Variants in SLX9 observed in about 807,000 individuals in gnomAD.
SLX9 encodes SLX9 ribosome biogenesis factor.
A neutral mutation model predicts 20.8 loss-of-function variants in SLX9; 19 were observed. The observed-to-expected ratio is 0.91, with a 90% CI of 0.64 to 1.34. SLX9 has a LOEUF of 1.34. Among genes scored for constraint, SLX9 ranks in the 40% most tolerant of loss-of-function variants. The pLI, the probability that SLX9 is intolerant of heterozygous loss-of-function variation, is 0.00. For synonymous variants in SLX9, 113 were observed against 137.1 expected (o/e 0.82, Z 1.23); for missense variants, 299 against 322.2 (o/e 0.93, Z 0.55).
In SLX9 at chr21:44,960,320, T is replaced by C; in HGVS notation, c.352+152T>C. The C allele has an allele frequency of 1.5e-5, 11 of 742,786 alleles. No individual in the cohort carries two copies. In the South Asian group the frequency reaches 1.8e-4, roughly 12 times the overall value. 46.0% of individuals were successfully genotyped at this position (742,786 alleles called of 1,614,324 possible). On this transcript the variant is annotated intron_variant, in intron 3 of 5. Transcript: ENST00000291634. ...TCACCCAAGACACTTCAGAGGCTGC[T>C]GTGGGGGCCGAAGGACAGTGGAGGC...
chr21:44,945,574 G>T (rs2026883), intron 2 of SLX9, among the ~76,000 whole-genome samples: 1 of 152,192 alleles, frequency 6.6e-6, no homozygotes, highest in Non-Finnish European at 1.5e-5. Context: ...TCACGCTCAC[G>T]ACCCGTCTTG....
In SLX9 at chr21:44,972,197, C is replaced by T. The variant is rs140260333; in HGVS notation, c.501-1000C>T. Among the ~76,000 whole-genome samples, 265 of 152,306 alleles carry T rather than the reference C, an allele frequency of 1.7e-3. 1 individual carries two copies. The highest frequency in any genetic ancestry group is 2.9e-3 in the Non-Finnish European group (197 of 68,020). On this transcript the variant is annotated intron_variant, in intron 4 of 5. Coordinates refer to ENST00000291634, the MANE Select transcript of SLX9 (RefSeq NM_058190.4). The stretch of plus-strand genomic sequence containing the variant: ...TCTGGGTCCCATCTCACTGTGTGGA[C>T]GGCAGATCTGAGAAGGCGCCTGGTG...
chr21:44,970,596 G>T (rs1009572849), intron 4 of SLX9, among the ~76,000 whole-genome samples: 2 of 152,212 alleles, frequency 1.3e-5, no homozygotes, highest in African/African-American at 4.8e-5. Flanking sequence ...GCGGCGGGCC[G>T]TGTCTCTGGG....
intron 1 of SLX9, among the ~76,000 whole-genome samples, chr21:44,943,025 G>A (rs904934241): frequency 2.0e-5 from 3 of 152,310 alleles, no homozygotes; most frequent in Non-Finnish European, 1.5e-5. Flanking sequence ...TTGGGGTGGC[G>A]TATTCTGACC....
At chr21:44,966,406 C>T (rs1318147079) in intron 3 of SLX9, among the ~76,000 whole-genome samples, 1 of 152,212 alleles carries the variant, frequency 6.6e-6, no homozygotes, top group East Asian at 1.9e-4. Context: ...CCAGGAGCCA[C>T]GTGCAGTGAG....
chr21:44,952,844 G>C (rs2084783747), intron 2 of SLX9, among the ~76,000 whole-genome samples: 2 of 152,248 alleles, frequency 1.3e-5, no homozygotes, highest in African/African-American at 4.8e-5. Context: ...ATGTTCGGTT[G>C]GTGGGGCCTG....
chr21:44,953,249 G>A (rs28493513), intron 2 of SLX9, among the ~76,000 whole-genome samples: 2,686 of 152,340 alleles, frequency 0.018, 87 homozygotes, highest in African/African-American at 0.062. Flanking sequence ...GGCCTGTCAT[G>A]TTCAGGGGCC....
intron 3 of SLX9, among the ~76,000 whole-genome samples, chr21:44,965,710 C>T (rs1265692903): frequency 6.6e-6 from 1 of 152,136 alleles, no homozygotes; most frequent in Non-Finnish European, 1.5e-5. Context: ...CACAAGGTAT[C>T]CTTCTTTTGA....
intron 2 of SLX9, among the ~76,000 whole-genome samples, chr21:44,959,643 AG>A (rs1245666943): frequency 6.6e-6 from 1 of 152,182 alleles, no homozygotes; most frequent in Non-Finnish European, 1.5e-5. Flanking sequence ...CGGGCCTGGC[AG>A]GGGGCAGGGA....
Position 44,949,860 on chromosome 21 carries a change from C to T in SLX9, c.283+6023C>T, listed in dbSNP as rs558709714. ...TTAGACCCCACTCCACCCCCAGGCA[C>T]CTGCGGTGGAGGGACCTGCGGTGGA... is the stretch of plus-strand genomic sequence containing the variant. On this transcript the variant is annotated intron_variant, in intron 2 of 5. Transcript: ENST00000291634. 4.2e-4 allele frequency among the ~76,000 whole-genome samples: 64 copies of T among 152,294 alleles called. No homozygotes were observed. In the South Asian group the frequency reaches 0.012, roughly 29 times the overall value.
chr21:44,964,836 C>T (rs577206141), intron 3 of SLX9, among the ~76,000 whole-genome samples: 5 of 152,250 alleles, frequency 3.3e-5, no homozygotes, highest in African/African-American at 1.2e-4. Flanking sequence ...TATTTTTTGG[C>T]CTTTGATTCC....
chr21:44,963,148 G>C (rs2005951), intron 3 of SLX9, among the ~76,000 whole-genome samples: 21,635 of 150,776 alleles, frequency 0.14, 1,679 homozygotes, highest in Admixed American at 0.21. Flanking sequence ...GAGTGCAGTG[G>C]TGCGATCTTG....
At chr21:44,943,517 C>T (rs1210144282) in intron 1 of SLX9, among the ~76,000 whole-genome samples, 167 bp from the exon 2 acceptor site, 2 of 152,170 alleles carry the variant, frequency 1.3e-5, no homozygotes, top group African/African-American at 2.4e-5. Flanking sequence ...GAACCGGAGG[C>T]TTCTGCTCTG....
intron 2 of SLX9, among the ~76,000 whole-genome samples, chr21:44,959,867 C>T (rs2084923158): frequency 6.6e-6 from 1 of 152,202 alleles, no homozygotes; most frequent in East Asian, 1.9e-4. Flanking sequence ...GGGTGAGTGG[C>T]CAGGCCATCA....
chr21:44,967,381 C>T (rs763835312), intron 4 of SLX9, among the ~76,000 whole-genome samples, 200 bp downstream of exon 4: 2 of 152,186 alleles, frequency 1.3e-5, no homozygotes, highest in Non-Finnish European at 2.9e-5. Context: ...CTGTGGGGGA[C>T]GTTTCGGGGG....
chr21:44,973,300 C>T (rs1339088766), intron 5 of SLX9, 35 bp downstream of exon 5: 1 of 1,607,952 alleles, frequency 6.2e-7, no homozygotes, highest in Non-Finnish European at 8.5e-7. Context: ...AGGGGTTCAG[C>T]TCCTGAGTGC....
chr21:44,972,662 G>T (rs541236777), intron 4 of SLX9, among the ~76,000 whole-genome samples: 2 of 152,200 alleles, frequency 1.3e-5, no homozygotes, highest in Non-Finnish European at 2.9e-5. Flanking sequence ...GTAGCACAGC[G>T]TGCGCCTTCT....
chr21:44,941,990 G>T, intron 1 of SLX9, among the ~76,000 whole-genome samples: 1 of 152,252 alleles, frequency 6.6e-6, no homozygotes, highest in Non-Finnish European at 1.5e-5. Context: ...CAGAGATGGG[G>T]CAGGAGCAGC....
chr21:44,965,438 A>G (rs2085017288), intron 3 of SLX9, among the ~76,000 whole-genome samples: 1 of 152,118 alleles, frequency 6.6e-6, no homozygotes, highest in Non-Finnish European at 1.5e-5. Context: ...GCTCGGATTT[A>G]TCATTGAGTG....
Sources: allele counts gnomAD v4.1 joint callset (sites outside exome capture counted in the v4.1 genomes callset), GRCh38; gene constraint gnomAD v4.1.1; transcripts MANE v1.5; gene names NCBI Gene and HGNC (gene_info 2026-07-23, HGNC 2026-07-21).